SLC49A3: variants seen among roughly 807,000 people sequenced by gnomAD.
SLC49A3 encodes the protein solute carrier family 49 member 3.
A neutral mutation model predicts 43.8 loss-of-function variants in SLC49A3; 50 were observed. The ratio of observed to expected loss-of-function variants is 1.14; its 90% confidence interval spans 0.91 to 1.45. The LOEUF (loss-of-function observed/expected upper bound fraction) is 1.45. Ranked by LOEUF, SLC49A3 falls within the 40% of genes most tolerant of loss-of-function variation. The probability of loss-of-function intolerance (pLI) is 0.00; values close to 1 mark genes in which losing one functional copy is unlikely to be tolerated. For synonymous variants in SLC49A3, 413 were observed against 352.0 expected (o/e 1.17, Z -1.94); for missense variants, 906 against 774.1 (o/e 1.17, Z -2.02).
In SLC49A3 at chr4:684,467, G is replaced by T; in HGVS notation, c.840+16C>A. ...GATGACAGAGGCAGGGTCCCCAGGGGTGGGGCCAGGCTCACACTGGAGTGG... is the reference window on the plus strand; with the variant it reads ...GATGACAGAGGCAGGGTCCCCAGGGTTGGGGCCAGGCTCACACTGGAGTGG... On this transcript the variant is annotated intron_variant, in intron 6 of 9. Transcript: ENST00000322224. The T allele has an allele frequency of 6.2e-7, 1 of 1,612,166 alleles. No homozygotes were observed. Among genetic ancestry groups the T allele is most frequent in the Non-Finnish European group, 8.5e-7 (1 of 1,179,538 alleles).
At chr4:678,394 C>T (rs960511917), downstream of SLC49A3, 2 of 1,417,500 alleles carry the variant, frequency 1.4e-6, no homozygotes, top group Non-Finnish European at 9.2e-7. Flanking sequence ...GGACGGCGAT[C>T]CCTGACCACT....
chr4:683,835 G>C, intron 6 of SLC49A3, 74 bp from the exon 7 acceptor site: 1 of 1,497,906 alleles, frequency 6.7e-7, no homozygotes, highest in Non-Finnish European at 8.9e-7. Flanking sequence ...AGGGCAGGGG[G>C]CTCAGTGTAG....
intron 8 of SLC49A3, 129 bp from the exon 9 acceptor site, chr4:683,019 G>A (rs985572095): frequency 1.0e-5 from 11 of 1,095,978 alleles, no homozygotes; most frequent in East Asian, 2.6e-5. Flanking sequence ...ACGCAGCCTC[G>A]GTCATGGGCC....
downstream of SLC49A3, among the ~76,000 whole-genome samples, chr4:677,125 G>C (rs1738920862): frequency 6.6e-6 from 1 of 152,336 alleles, no homozygotes; most frequent in East Asian, 1.9e-4. Flanking sequence ...GGTGCCCTGG[G>C]TCCTGTTACC....
At chr4:680,060 C>G (rs376589699), downstream of SLC49A3, 1 of 1,477,476 alleles carries the variant, frequency 6.8e-7, no homozygotes, top group Non-Finnish European at 9.3e-7. Context: ...TAGCTAATTC[C>G]TAACAGTTAG....
downstream of SLC49A3, chr4:677,891 C>G: frequency 1.3e-6 from 2 of 1,484,982 alleles, no homozygotes; most frequent in Admixed American, 3.4e-5. Flanking sequence ...CTGTCCAGTC[C>G]CCTGGGGTAG....
At chr4:679,942 G>A (rs1349021819), downstream of SLC49A3, 12 of 1,613,684 alleles carry the variant, frequency 7.4e-6, no homozygotes, top group African/African-American at 1.5e-4. Flanking sequence ...ACGACGAGCT[G>A]GACGCCATGC....
At position 686,250 on chromosome 4, in the gene SLC49A3, G is replaced by A. The variant is rs755141370; in HGVS notation, c.347C>T (p.Pro116Leu). ...GTTTTGGGTCCCAACAACCATGCAG[G>A]GCACCATGCGTAGCACACTCCCGGC... is the stretch of plus-strand genomic sequence containing the variant. Reference protein sequence around the residue: ...NFAGSVLRMVPCMVVGTQNPF... With the variant: ...NFAGSVLRMVLCMVVGTQNPF... The change falls in exon 3 of 10, where the codon CCC becomes CTC. Residue 116 changes from proline (P) to leucine (L), a missense_variant. Coordinates refer to ENST00000322224, the MANE Select transcript of SLC49A3 (RefSeq NM_032219.4). The A allele has an allele frequency of 1.2e-6, 2 of 1,613,408 alleles. No individual in the cohort carries two copies. Among genetic ancestry groups the A allele is most frequent in the Admixed American group, 1.7e-5 (1 of 60,018 alleles).
In SLC49A3 at chr4:682,090, G is replaced by T. The variant is rs1041946894; in HGVS notation, c.1548C>A (p.Pro516=). The T allele has an allele frequency of 7.2e-7, 1 of 1,395,184 alleles. No individual in the cohort carries two copies. The highest frequency in any genetic ancestry group is 9.4e-7 in the Non-Finnish European group (1 of 1,063,760). 86.4% of individuals were successfully genotyped at this position (1,395,184 alleles called of 1,614,324 possible). A position where few individuals can be genotyped will look rare whatever the true frequency, so the allele number is the denominator to read the frequency against. Residue 516 remains proline (P), a synonymous_variant, in exon 10 of 10, where the codon CCC becomes CCA. Transcript: ENST00000322224. ...SPHPACHRAT[P]RAQGPAATDA... ...CGGTGGCTGCTGGGCCTTGCGCACG[G>T]GGAGTCGCTCGGTGGCAGGCTGGGT...
downstream of SLC49A3, chr4:681,140 G>A: frequency 2.5e-6 from 4 of 1,604,718 alleles, no homozygotes; most frequent in African/African-American, 1.3e-5. Context: ...CGGCGGAAGA[G>A]GTCTGGCCCG....
intron 7 of SLC49A3, 73 bp downstream of exon 7, chr4:683,536 C>T (rs1426257494): frequency 1.3e-5 from 20 of 1,533,558 alleles, no homozygotes; most frequent in Admixed American, 6.2e-5. Flanking sequence ...CCAGCCAAGC[C>T]GCCAACCGCC....
At chr4:684,175 CAG>C (rs1007104955) in intron 6 of SLC49A3, among the ~76,000 whole-genome samples, 3 of 152,378 alleles carry the variant, frequency 2.0e-5, no homozygotes, top group African/African-American at 7.2e-5. Flanking sequence ...TGCAGACCCA[CAG>C]GGGCGGGGCC....
At chr4:679,846 G>T (rs1001558060), downstream of SLC49A3, 2 of 1,389,728 alleles carry the variant, frequency 1.4e-6, no homozygotes, top group East Asian at 4.6e-5. Flanking sequence ...CCCTGTGCTG[G>T]GGTCACCTGC....
downstream of SLC49A3, chr4:677,965 G>A (rs1298755730): frequency 1.2e-6 from 2 of 1,612,992 alleles, no homozygotes; most frequent in African/African-American, 2.7e-5. Context: ...GACCAAGCAG[G>A]AGCTTAAGAT....
intron 7 of SLC49A3, 51 bp downstream of exon 7, chr4:683,558 T>TGCC: frequency 3.8e-6 from 6 of 1,571,814 alleles, no homozygotes; most frequent in South Asian, 1.2e-5. Flanking sequence ...TCTCCGGGCC[T>TGCC]CACCACCCAC....
chr4:677,996 G>A (rs773083595), downstream of SLC49A3: 1 of 1,613,432 alleles, frequency 6.2e-7, no homozygotes, highest in South Asian at 1.1e-5. Context: ...TGGGGCCCTG[G>A]GCAGACGCAT....
At chr4:678,763 G>A, downstream of SLC49A3, 2 of 1,610,202 alleles carry the variant, frequency 1.2e-6, no homozygotes, top group Non-Finnish European at 1.7e-6. Context: ...GGAGTTCAAG[G>A]AGGTGAGACT....
At position 685,873 on chromosome 4, in the gene SLC49A3, G is replaced by C. The variant is rs200384460; in HGVS notation, c.547C>G (p.Pro183Ala). ...LGVLVANVLS[P>A]VLVKKGEDIP... ...TCCTCACCCTTCTTGACCAGCACAG[G>C]GGACAGCACATTGGCCACAAGGACG... The change falls in exon 4 of 10, where the codon CCT becomes GCT. Residue 183 changes from proline (P) to alanine (A), a missense_variant. Transcript: ENST00000322224. This position sits in a 1 kb window ranked among gnomAD's most constrained non-coding sequence, Gnocchi z 4.3. 24 of 1,613,986 alleles carry C rather than the reference G, an allele frequency of 1.5e-5. No homozygotes were observed. Among genetic ancestry groups the C allele is most frequent in the Non-Finnish European group, 1.7e-5 (20 of 1,180,018 alleles).
downstream of SLC49A3, chr4:678,238 A>T (rs1739054244): frequency 1.4e-5 from 21 of 1,483,612 alleles, no homozygotes; most frequent in Non-Finnish European, 1.9e-5. Flanking sequence ...GTGTTGTGGG[A>T]AGTACGTGCC....
Sources: gnomAD v4.1 joint callset for allele counts (sites outside exome capture counted in the v4.1 genomes callset) on GRCh38, gnomAD v4.1.1 for gene constraint, Gnocchi (gnomAD v3.1) non-coding constraint, MANE v1.5 for transcripts, NCBI Gene and HGNC (gene_info 2026-07-23, HGNC 2026-07-21) for gene names.